ANKRD13C: variants seen among roughly 807,000 people sequenced by gnomAD.
ANKRD13C encodes the protein ankyrin repeat domain-containing protein 13C.
In ANKRD13C, 16 loss-of-function variants were observed where a neutral mutation model predicts 65.5. The observed-to-expected ratio is 0.24, with a 90% CI of 0.17 to 0.37. The LOEUF (loss-of-function observed/expected upper bound fraction) is 0.37. Among genes scored for constraint, ANKRD13C ranks in the 10% least tolerant of loss-of-function variants. The probability of loss-of-function intolerance (pLI) is 1.00; values close to 1 mark genes in which losing one functional copy is unlikely to be tolerated. For synonymous variants in ANKRD13C, 235 were observed against 238.7 expected (o/e 0.98, Z 0.14); for missense variants, 503 against 655.9 (o/e 0.77, Z 2.55).
chr1:70,276,687 C>A, intron 10 of ANKRD13C, 78 bp downstream of exon 10: 1 of 1,159,232 alleles, frequency 8.6e-7, no homozygotes, highest in Non-Finnish European at 1.2e-6. Flanking sequence ...TAATTTACGC[C>A]AAAATATTCA....
At chr1:70,346,744 AG>A (rs891558467) in intron 1 of ANKRD13C, among the ~76,000 whole-genome samples, 1 of 152,204 alleles carries the variant, frequency 6.6e-6, no homozygotes, top group African/African-American at 2.4e-5. Flanking sequence ...CAACTATAGT[AG>A]CTTTTTATAC....
chr1:70,349,737 A>T (rs1682668995), intron 1 of ANKRD13C, among the ~76,000 whole-genome samples: 1 of 152,226 alleles, frequency 6.6e-6, no homozygotes, highest in Non-Finnish European at 1.5e-5. Flanking sequence ...AATAAAATGT[A>T]ATAGCTCTAA....
chr1:70,313,918 G>A, intron 4 of ANKRD13C, 128 bp from the exon 5 acceptor site: 2 of 574,664 alleles, frequency 3.5e-6, no homozygotes, highest in Non-Finnish European at 3.1e-6. Context: ...AGGAAAATAT[G>A]CACCTGTATA....
chr1:70,293,822 A>C (rs1462187416), intron 8 of ANKRD13C, among the ~76,000 whole-genome samples: 2 of 152,224 alleles, frequency 1.3e-5, no homozygotes, highest in Non-Finnish European at 2.9e-5. Context: ...TTATAATGAA[A>C]AACCACTTAG....
chr1:70,339,640 A>G (rs1297700566), intron 1 of ANKRD13C, among the ~76,000 whole-genome samples: 1 of 151,822 alleles, frequency 6.6e-6, no homozygotes, highest in Non-Finnish European at 1.5e-5. Context: ...TTTTATGTGC[A>G]TTTTGACAAA....
chr1:70,305,146 T>C (rs916652148), intron 6 of ANKRD13C, among the ~76,000 whole-genome samples: 14 of 152,252 alleles, frequency 9.2e-5, no homozygotes, highest in East Asian at 3.9e-4. Context: ...AACAGAAATA[T>C]CTACCTTAAC....
At chr1:70,273,680 T>C (rs1678996085) in intron 11 of ANKRD13C, among the ~76,000 whole-genome samples, 1 of 152,040 alleles carries the variant, frequency 6.6e-6, no homozygotes, top group Admixed American at 6.6e-5. Flanking sequence ...TTTTCTTTTT[T>C]TTTTTGAGAC....
chr1:70,309,602 T>G (rs1213497131), intron 5 of ANKRD13C, among the ~76,000 whole-genome samples: 1 of 149,294 alleles, frequency 6.7e-6, no homozygotes, highest in African/African-American at 2.4e-5. Context: ...GGCGGGCGCC[T>G]GTAGTCCCAG....
chr1:70,288,933 G>T (rs1273381696), intron 9 of ANKRD13C, among the ~76,000 whole-genome samples: 3 of 152,058 alleles, frequency 2.0e-5, no homozygotes, highest in Admixed American at 2.0e-4. Flanking sequence ...TCATACAACT[G>T]TATGTGAATT....
At chr1:70,341,911 T>C (rs899936619) in intron 1 of ANKRD13C, among the ~76,000 whole-genome samples, 1 of 151,972 alleles carries the variant, frequency 6.6e-6, no homozygotes, top group Non-Finnish European at 1.5e-5. Flanking sequence ...TGGTGCAATA[T>C]TCCCAGGAAA....
intron 12 of ANKRD13C, among the ~76,000 whole-genome samples, chr1:70,269,624 C>A (rs559245875): frequency 6.6e-6 from 1 of 151,638 alleles, no homozygotes; most frequent in South Asian, 2.1e-4. Flanking sequence ...TGCCTAAGAT[C>A]TTATCACTGA....
intron 5 of ANKRD13C, among the ~76,000 whole-genome samples, chr1:70,311,956 T>A (rs1387681633): frequency 6.6e-6 from 1 of 152,194 alleles, no homozygotes; most frequent in African/African-American, 2.4e-5. Flanking sequence ...AAATATAATT[T>A]GTAGAAAATT....
At chr1:70,300,658 C>T (rs1680311145) in intron 7 of ANKRD13C, 106 bp downstream of exon 7, 2 of 1,030,318 alleles carry the variant, frequency 1.9e-6, no homozygotes, top group East Asian at 3.0e-5. Context: ...AACAAACCAT[C>T]TCAATTATAC....
At chr1:70,345,258 C>T (rs1369386247) in intron 1 of ANKRD13C, among the ~76,000 whole-genome samples, 1 of 151,878 alleles carries the variant, frequency 6.6e-6, no homozygotes, top group Non-Finnish European at 1.5e-5. Context: ...GGAGAAACCC[C>T]GTCTCTACTA....
chr1:70,328,373 A>T (rs2101555991), intron 2 of ANKRD13C, among the ~76,000 whole-genome samples: 1 of 152,178 alleles, frequency 6.6e-6, no homozygotes, highest in Admixed American at 6.5e-5. Flanking sequence ...TTAAAAAGGA[A>T]TGAGTAAGCC....
chr1:70,335,131 G>T (rs1209977164), intron 2 of ANKRD13C, among the ~76,000 whole-genome samples: 2 of 151,932 alleles, frequency 1.3e-5, no homozygotes, highest in East Asian at 3.9e-4. Flanking sequence ...TATCATTTGG[G>T]TGCGGTGGCT....
At chr1:70,290,610 T>C (rs946663708) in intron 9 of ANKRD13C, among the ~76,000 whole-genome samples, 1 of 151,938 alleles carries the variant, frequency 6.6e-6, no homozygotes, top group Non-Finnish European at 1.5e-5. Context: ...GGCATGATTA[T>C]AGCTCATTGT....
chr1:70,284,102 C>A (rs1679519043), intron 9 of ANKRD13C, among the ~76,000 whole-genome samples: 1 of 151,920 alleles, frequency 6.6e-6, no homozygotes, highest in African/African-American at 2.4e-5. Flanking sequence ...GCAGAAGAGG[C>A]ACAGTAAAAG....
In ANKRD13C at chr1:70,354,666, C is replaced by A; in HGVS notation, c.-258G>T. The stretch of plus-strand genomic sequence containing the variant: ...CACCAGGATCTCAGTCTCGCCGTCG[C>A]AGCCGCCGTCGCTGCCTTACACCGA... On this transcript the variant is annotated 5_prime_UTR_variant, in exon 1 of 13. Coordinates refer to ENST00000370944, the MANE Select transcript of ANKRD13C (RefSeq NM_030816.5). 1 of 875,226 alleles carries A rather than the reference C, an allele frequency of 1.1e-6. No homozygotes were observed. Among genetic ancestry groups the A allele is most frequent in the Non-Finnish European group, 1.7e-6 (1 of 590,128 alleles). 54.2% of individuals were successfully genotyped at this position (875,226 alleles called of 1,614,324 possible).
Sources: gnomAD v4.1 joint callset for allele counts (sites outside exome capture counted in the v4.1 genomes callset) on GRCh38, gnomAD v4.1.1 for gene constraint, MANE v1.5 for transcripts, NCBI Gene and HGNC (gene_info 2026-07-23, HGNC 2026-07-21) for gene names.